LRRTM4: variants seen among roughly 807,000 people sequenced by gnomAD.
LRRTM4 encodes leucine rich repeat transmembrane neuronal 4, also known as leucine-rich repeat transmembrane neuronal protein 4.
A neutral mutation model predicts 47.6 loss-of-function variants in LRRTM4; 25 were observed. The observed-to-expected ratio is 0.53, with a 90% CI of 0.38 to 0.73. LRRTM4 has a LOEUF of 0.73. LRRTM4 is among the 30% of genes least tolerant of loss of function. The probability of loss-of-function intolerance (pLI) is 0.00; values close to 1 mark genes in which losing one functional copy is unlikely to be tolerated. For synonymous variants in LRRTM4, 311 were observed against 269.5 expected (o/e 1.15, Z -1.51); for missense variants, 638 against 713.4 (o/e 0.89, Z 1.20).
chr2:76,906,118 G>A (rs1430749445), intron 3 of LRRTM4, among the ~76,000 whole-genome samples: 2 of 152,262 alleles, frequency 1.3e-5, no homozygotes, highest in Admixed American at 1.3e-4. Context: ...TACCCACAAA[G>A]GGAAGCCCAT....
At chr2:76,926,751 G>T (rs1674601097) in intron 3 of LRRTM4, among the ~76,000 whole-genome samples, 1 of 151,974 alleles carries the variant, frequency 6.6e-6, no homozygotes, top group African/African-American at 2.4e-5. Flanking sequence ...CTCTTTCTTG[G>T]ACTTTCTAGC....
intron 3 of LRRTM4, among the ~76,000 whole-genome samples, chr2:76,844,103 A>C (rs550154039): frequency 2.4e-4 from 36 of 151,248 alleles, no homozygotes; most frequent in African/African-American, 8.3e-4. Context: ...GGGTTTCACC[A>C]TGTTAGCCAG....
chr2:76,763,375 A>G (rs1673332255), intron 3 of LRRTM4, among the ~76,000 whole-genome samples: 1 of 152,260 alleles, frequency 6.6e-6, no homozygotes. Flanking sequence ...ATCTGCTAGA[A>G]TTAGTGTCTT....
At chr2:77,251,572 T>C (rs1345988222) in intron 3 of LRRTM4, among the ~76,000 whole-genome samples, 3 of 152,126 alleles carry the variant, frequency 2.0e-5, no homozygotes, top group Non-Finnish European at 4.4e-5. Context: ...GAACTTCACC[T>C]GTGTTTATTC....
intron 3 of LRRTM4, among the ~76,000 whole-genome samples, chr2:77,082,864 T>A: frequency 6.6e-6 from 1 of 152,212 alleles, no homozygotes; most frequent in Admixed American, 6.5e-5. Flanking sequence ...ATAAAAGTAA[T>A]ATTTTACTAT....
chr2:77,475,886 T>C (rs552317326), intron 3 of LRRTM4, among the ~76,000 whole-genome samples: 3 of 152,070 alleles, frequency 2.0e-5, no homozygotes, highest in African/African-American at 7.2e-5. Flanking sequence ...CCTGTTTACA[T>C]TCTATGCCTA....
chr2:76,976,641 T>C (rs1246965143), intron 3 of LRRTM4, among the ~76,000 whole-genome samples: 2 of 151,812 alleles, frequency 1.3e-5, no homozygotes, highest in Non-Finnish European at 2.9e-5. Context: ...ACCATTTATC[T>C]GATTTCATCC....
chr2:76,827,418 C>T (rs1162938249), intron 3 of LRRTM4, among the ~76,000 whole-genome samples: 1 of 151,758 alleles, frequency 6.6e-6, no homozygotes, highest in Non-Finnish European at 1.5e-5. Flanking sequence ...TTGATGGTTA[C>T]TAAGCGTTTG....
chr2:77,223,317 C>G (rs1286511450), intron 3 of LRRTM4, among the ~76,000 whole-genome samples: 1 of 152,160 alleles, frequency 6.6e-6, no homozygotes. Flanking sequence ...GATGGCCTCT[C>G]TCACCACTCC....
At chr2:76,914,592 T>C (rs1056381451) in intron 3 of LRRTM4, among the ~76,000 whole-genome samples, 5 of 152,182 alleles carry the variant, frequency 3.3e-5, no homozygotes, top group East Asian at 1.9e-4. Flanking sequence ...AAGCTGAGCA[T>C]TGTGTTATAA....
chr2:76,898,281 A>T (rs1034955093), intron 3 of LRRTM4, among the ~76,000 whole-genome samples: 4 of 152,142 alleles, frequency 2.6e-5, no homozygotes, highest in Non-Finnish European at 4.4e-5. Context: ...TTTTAAATGG[A>T]ATTTTGCTAT....
chr2:77,415,027 A>T (rs1180123678), intron 3 of LRRTM4, among the ~76,000 whole-genome samples: 1 of 152,238 alleles, frequency 6.6e-6, no homozygotes, highest in Non-Finnish European at 1.5e-5. Flanking sequence ...TTGAAAGATT[A>T]GATGGTAGTG....
chr2:76,923,780 G>A (rs1364180002), intron 3 of LRRTM4, among the ~76,000 whole-genome samples: 5 of 152,028 alleles, frequency 3.3e-5, no homozygotes, highest in Admixed American at 3.3e-4. Context: ...AGGCAAATAG[G>A]AATATTTGTA....
chr2:77,085,880 T>A (rs1680693237), intron 3 of LRRTM4, among the ~76,000 whole-genome samples: 1 of 152,168 alleles, frequency 6.6e-6, no homozygotes, highest in Non-Finnish European at 1.5e-5. Context: ...AAAGATTTCC[T>A]GTTGGCCTAT....
chr2:77,054,784 A>G (rs1025629167), intron 3 of LRRTM4, among the ~76,000 whole-genome samples: 2 of 152,154 alleles, frequency 1.3e-5, no homozygotes, highest in Admixed American at 6.5e-5. Context: ...TCAGGCTGCT[A>G]TTTCTTTAGT....
At chr2:76,848,273 T>C (rs1343917612) in intron 3 of LRRTM4, among the ~76,000 whole-genome samples, 1 of 152,182 alleles carries the variant, frequency 6.6e-6, no homozygotes, top group Admixed American at 6.6e-5. Context: ...TTCATTCTAA[T>C]AATTTTCCCA....
intron 3 of LRRTM4, among the ~76,000 whole-genome samples, chr2:77,403,704 A>G (rs1558726816): frequency 6.6e-6 from 1 of 151,670 alleles, no homozygotes; most frequent in Non-Finnish European, 1.5e-5. Flanking sequence ...ACCTTGCTCT[A>G]TATCCACTCT....
chr2:77,258,127 A>C (rs147927805), intron 3 of LRRTM4, among the ~76,000 whole-genome samples: 1 of 151,814 alleles, frequency 6.6e-6, no homozygotes, highest in Admixed American at 6.6e-5. Context: ...AAAAGAAAAA[A>C]AAAAAGACTA....
intron 3 of LRRTM4, among the ~76,000 whole-genome samples, chr2:77,456,428 C>T (rs1304021689): frequency 6.6e-6 from 1 of 152,114 alleles, no homozygotes; most frequent in South Asian, 2.1e-4. Flanking sequence ...GCTAACTGTC[C>T]AGGCTTACAA....
Sources: gnomAD v4.1 joint callset for allele counts (sites outside exome capture counted in the v4.1 genomes callset) on GRCh38, gnomAD v4.1.1 for gene constraint, MANE v1.5 for transcripts, NCBI Gene and HGNC (gene_info 2026-07-23, HGNC 2026-07-21) for gene names.